Variants in CSNK1G3 observed in about 807,000 individuals in gnomAD.
The protein encoded by CSNK1G3 is casein kinase 1 gamma 3.
In CSNK1G3, 23 loss-of-function variants were observed where a neutral mutation model predicts 64.3. The observed-to-expected ratio is 0.36, with a 90% confidence interval of 0.26 to 0.51. The LOEUF (loss-of-function observed/expected upper bound fraction) is 0.51. Ranked by LOEUF, CSNK1G3 falls within the 20% of genes least tolerant of loss-of-function variation. CSNK1G3 has a pLI of 0.96. For synonymous variants in CSNK1G3, 158 were observed against 162.2 expected (o/e 0.97, Z 0.20); for missense variants, 357 against 510.5 (o/e 0.70, Z 2.90).
intron 10 of CSNK1G3, 134 bp downstream of exon 11, chr5:123,595,268 C>CT: frequency 1.3e-6 from 1 of 785,234 alleles, no homozygotes; most frequent in East Asian, 3.0e-5. Context: ...AATTCTATTC[C>CT]TTTGTTATTT....
At chr5:123,559,086 A>G (rs542315779) in intron 4 of CSNK1G3, among the ~76,000 whole-genome samples, 246 of 152,328 alleles carry the variant, frequency 1.6e-3, no homozygotes, top group African/African-American at 5.8e-3. Context: ...TTGTAGGACT[A>G]AATCTTACTG....
chr5:123,605,339 C>A, exon 12 of CSNK1G3: 2 of 1,607,264 alleles, frequency 1.2e-6, no homozygotes, highest in Non-Finnish European at 1.7e-6. Flanking sequence ...GTGCGTATAG[C>A]TGCCAGAAAG....
intron 10 of CSNK1G3, among the ~76,000 whole-genome samples, chr5:123,604,006 A>G (rs941560224): frequency 4.6e-5 from 7 of 152,146 alleles, no homozygotes; most frequent in Non-Finnish European, 1.0e-4. Flanking sequence ...TGTGGATAAT[A>G]CATTTGAGTG....
At chr5:123,610,929 T>C (rs1346688569) in intron 12 of CSNK1G3, among the ~76,000 whole-genome samples, 1 of 152,250 alleles carries the variant, frequency 6.6e-6, no homozygotes, top group Admixed American at 6.5e-5. Context: ...TTTGTTGGGC[T>C]ATAACTGTGA....
intron 3 of CSNK1G3, among the ~76,000 whole-genome samples, chr5:123,555,640 T>C (rs980247903): frequency 2.6e-5 from 4 of 152,170 alleles, no homozygotes; most frequent in African/African-American, 9.6e-5. Flanking sequence ...TAATATTACC[T>C]CAGCTACCAT....
chr5:123,570,578 A>T (rs1397695812), intron 4 of CSNK1G3, among the ~76,000 whole-genome samples: 1 of 151,646 alleles, frequency 6.6e-6, no homozygotes, highest in Non-Finnish European at 1.5e-5. Context: ...CTGGTTTCGA[A>T]CTCCTGACCT....
intron 10 of CSNK1G3, among the ~76,000 whole-genome samples, chr5:123,602,083 A>G (rs1794601589): frequency 6.6e-6 from 1 of 152,206 alleles, no homozygotes. Context: ...TTTACAGTTC[A>G]ATAGAATGAC....
At chr5:123,529,701 A>C (rs1199234596) in intron 1 of CSNK1G3, among the ~76,000 whole-genome samples, 1 of 152,104 alleles carries the variant, frequency 6.6e-6, no homozygotes, top group East Asian at 1.9e-4. Context: ...CTGCTCACGG[A>C]GGTTGGTATG....
intron 1 of CSNK1G3, among the ~76,000 whole-genome samples, chr5:123,514,345 T>A (rs1186959187): frequency 2.0e-5 from 3 of 152,208 alleles, no homozygotes; most frequent in Non-Finnish European, 2.9e-5. Context: ...TAGCAAGCAT[T>A]TACAATATAT....
At chr5:123,568,147 C>G (rs1478183554) in intron 4 of CSNK1G3, among the ~76,000 whole-genome samples, 2 of 152,124 alleles carry the variant, frequency 1.3e-5, no homozygotes, top group African/African-American at 4.8e-5. Context: ...TGAATTGGAT[C>G]CTTTCTGTTG....
At chr5:123,518,178 G>A (rs1777509518) in intron 1 of CSNK1G3, among the ~76,000 whole-genome samples, 1 of 152,174 alleles carries the variant, frequency 6.6e-6, no homozygotes, top group African/African-American at 2.4e-5. Context: ...CTTTGAAGGA[G>A]GAAATGTGAC....
chr5:123,612,043 G>A (rs1581467834), intron 12 of CSNK1G3, among the ~76,000 whole-genome samples: 2 of 151,980 alleles, frequency 1.3e-5, no homozygotes, highest in East Asian at 1.9e-4. Context: ...TAGTCTTGTT[G>A]TACTGTGGCA....
chr5:123,526,768 A>T (rs1180816885), intron 1 of CSNK1G3, among the ~76,000 whole-genome samples: 1 of 152,018 alleles, frequency 6.6e-6, no homozygotes, highest in East Asian at 1.9e-4. Flanking sequence ...GCTGAGCAAT[A>T]TTCCATTGTA....
intron 3 of CSNK1G3, among the ~76,000 whole-genome samples, chr5:123,554,728 G>A (rs1561510442): frequency 1.3e-5 from 2 of 152,172 alleles, no homozygotes; most frequent in Non-Finnish European, 1.5e-5. Flanking sequence ...AATCTTTGTG[G>A]TGTGCAAGGA....
intron 4 of CSNK1G3, among the ~76,000 whole-genome samples, chr5:123,572,393 T>A (rs2150678090): frequency 6.6e-6 from 1 of 152,352 alleles, no homozygotes; most frequent in East Asian, 1.9e-4. Context: ...GACTTCATAT[T>A]TGGAGTTTGT....
intron 8 of CSNK1G3, 32 bp from the exon 9 acceptor site, chr5:123,590,378 T>C: frequency 1.7e-6 from 2 of 1,165,772 alleles, no homozygotes; most frequent in Non-Finnish European, 2.3e-6. Flanking sequence ...TAAAGAAAAG[T>C]ATAGTCCAAA....
chr5:123,559,736 G>C (rs559325549), intron 4 of CSNK1G3, among the ~76,000 whole-genome samples: 1 of 133,922 alleles, frequency 7.5e-6, no homozygotes, highest in South Asian at 2.4e-4. Context: ...TGTGAGTTTT[G>C]TGAAAGCATT....
At chr5:123,591,529 C>T (rs1253960527) in intron 10 of CSNK1G3, 115 bp downstream of exon 10, 3 of 561,354 alleles carry the variant, frequency 5.3e-6, no homozygotes, top group African/African-American at 3.9e-5. Flanking sequence ...AATAGATAAT[C>T]TATTTTCTCT....
rs144243119 is a variant in CSNK1G3 at position 123,595,867 on chromosome 5, G to A, written c.1086+4453G>A. ...AAATAGGGAAAGATTGCTGAGTCTC[G>A]TATTGTCTTTTAAAATATCGGTTTA... On this transcript the variant is annotated intron_variant, in intron 10 of 12. Coordinates refer to ENST00000345990, the Ensembl canonical transcript of CSNK1G3. 1.6e-4 allele frequency among the ~76,000 whole-genome samples: 24 copies of A among 152,048 alleles called. No individual in the cohort carries two copies. In the East Asian group the frequency reaches 4.2e-3, roughly 27 times the overall value.
Sources: allele counts gnomAD v4.1 joint callset (sites outside exome capture counted in the v4.1 genomes callset), GRCh38; gene constraint gnomAD v4.1.1; transcripts MANE v1.5; gene names NCBI Gene and HGNC (gene_info 2026-07-23, HGNC 2026-07-21).